Variants in CASP8 observed in about 807,000 individuals in gnomAD.
CASP8 encodes the protein caspase 8.
In CASP8, 24 loss-of-function variants were observed where a neutral mutation model predicts 46.3. That is an observed-to-expected ratio of 0.52 (90% CI 0.38 to 0.73). The LOEUF (loss-of-function observed/expected upper bound fraction) is 0.73, where lower values mean the gene tolerates loss of function less well. Among genes scored for constraint, CASP8 ranks in the 30% least tolerant of loss-of-function variants. The probability of loss-of-function intolerance (pLI) is 0.00; values close to 1 mark genes in which losing one functional copy is unlikely to be tolerated. For missense variants in CASP8, 460 were observed against 559.0 expected (o/e 0.82, Z 1.79); for synonymous variants, 188 against 200.4 (o/e 0.94, Z 0.52).
rs1172459664 is a variant in CASP8, at chr2:201,244,688, G to A, written c.-27+10576G>A. On this transcript the variant is annotated intron_variant, in intron 2 of 6. Transcript: ENST00000264274. Reference sequence around the variant, plus strand: ...CTCAAGTTGATAGTGATTATTTTTTGCAGGCAAAAAAATCCATGCTCAGCA... The same window carrying A: ...CTCAAGTTGATAGTGATTATTTTTTACAGGCAAAAAAATCCATGCTCAGCA... Among the ~76,000 whole-genome samples the A allele has an allele frequency of 2.0e-5, 3 of 152,074 alleles. No individual in the cohort carries two copies. The East Asian group carries it at 5.8e-4, about 29-fold the overall frequency.
chr2:201,271,398 C>T, intron 2 of CASP8, 118 bp from the exon 3 acceptor site: 1 of 739,754 alleles, frequency 1.4e-6, no homozygotes, highest in Non-Finnish European at 2.5e-6. Flanking sequence ...TAAACCATGC[C>T]ATTAACTGGC....
chr2:201,264,289 G>A (rs1352227062), intron 1 of CASP8, among the ~76,000 whole-genome samples: 2 of 152,178 alleles, frequency 1.3e-5, no homozygotes, highest in Non-Finnish European at 2.9e-5. Flanking sequence ...TTAAGTGAAT[G>A]TAGGAAAAAC....
At chr2:201,285,612 C>G (rs1435542373) in intron 8 of CASP8, among the ~76,000 whole-genome samples, 1 of 152,138 alleles carries the variant, frequency 6.6e-6, no homozygotes, top group Non-Finnish European at 1.5e-5. Context: ...TTCAGCACCT[C>G]AAAGGACAAT....
At chr2:201,260,688 C>G (rs1327496856) in intron 1 of CASP8, 75 bp downstream of exon 1, 1 of 403,728 alleles carries the variant, frequency 2.5e-6, no homozygotes, top group Non-Finnish European at 3.4e-6. Flanking sequence ...GTTTTCTAGG[C>G]TGCTGAGAGT....
chr2:201,242,074 A>C (rs1946323216), intron 2 of CASP8: 1 of 152,206 alleles, frequency 6.6e-6, no homozygotes, highest in Non-Finnish European at 1.5e-5. Flanking sequence ...ATATATAAGA[A>C]AATTTTCACT....
chr2:201,253,847 C>G (rs891180058), intron 2 of CASP8, among the ~76,000 whole-genome samples: 1 of 151,958 alleles, frequency 6.6e-6, no homozygotes, highest in African/African-American at 2.4e-5. Flanking sequence ...TTTGGGAAGC[C>G]GAGGTGGGTC....
intron 1 of CASP8, among the ~76,000 whole-genome samples, chr2:201,265,358 G>C (rs940669806): frequency 7.0e-6 from 1 of 143,598 alleles, no homozygotes; most frequent in Admixed American, 7.0e-5. Flanking sequence ...TTGGGTGACA[G>C]AGCAAGACTG....
rs1156535530 is a variant in CASP8 at position 201,281,899 on chromosome 2, A to G, written c.803-2917A>G. On this transcript the variant is annotated intron_variant, in intron 7 of 8. Transcript: ENST00000673742. ...GCCTGCAGAATCCAGCTACGAATAT[A>G]GAGGGTTTTGCTCTTGAATTTCTGG... 2.1e-6 allele frequency: 3 copies of G among 1,455,946 alleles called. No individual in the cohort carries two copies. In the African/African-American group the frequency reaches 4.7e-5, roughly 23 times the overall value. The allele number at this position is 1,455,946 out of a possible 1,614,324, so 90.2% of individuals were successfully genotyped here.
At chr2:201,240,508 T>A (rs545721469) in intron 2 of CASP8, 4 of 152,264 alleles carry the variant, frequency 2.6e-5, no homozygotes, top group Non-Finnish European at 1.5e-5. Context: ...GCACTCAATA[T>A]CAGAGCACCT....
At chr2:201,257,510 G>A (rs1457822951), upstream of CASP8, among the ~76,000 whole-genome samples, 3 of 151,630 alleles carry the variant, frequency 2.0e-5, no homozygotes, top group African/African-American at 4.9e-5. Context: ...AGAGAACAGG[G>A]GAGGGTCTAG....
chr2:201,241,069 C>T (rs967472425), intron 2 of CASP8: 4 of 152,102 alleles, frequency 2.6e-5, no homozygotes, highest in African/African-American at 9.7e-5. Flanking sequence ...CAATACACAT[C>T]TGCAGTGAAA....
chr2:201,253,061 T>A (rs1378375786), intron 2 of CASP8, among the ~76,000 whole-genome samples: 1 of 152,044 alleles, frequency 6.6e-6, no homozygotes, highest in East Asian at 1.9e-4. Context: ...CATAGCTCAC[T>A]GCAGCCTTGA....
At chr2:201,269,645 G>T in intron 2 of CASP8, 1 of 1,439,652 alleles carries the variant, frequency 6.9e-7, no homozygotes, top group East Asian at 2.3e-5. Context: ...TTGGCTTAGA[G>T]ATAAAAGGGT....
chr2:201,284,877 A>G lies in CASP8; in HGVS notation c.864A>G (p.Thr288=), dbSNP rs1050673165. 2 of 1,614,120 alleles carry G rather than the reference A, an allele frequency of 1.2e-6. No homozygotes were observed. Among genetic ancestry groups the G allele is most frequent in the East Asian group, 2.2e-5 (1 of 44,876 alleles). ...HFEIKPHDDC[T]VEQIYEILKI... ...AGATCAAGCCCCACGATGACTGCAC[A>G]GTAGAGCAAATCTATGAGATTTTGA... Residue 288 remains threonine, a synonymous_variant, in exon 8 of 9, where the codon ACA becomes ACG. Coordinates refer to ENST00000673742, the MANE Select transcript of CASP8 (RefSeq NM_001372051.1).
intron 2 of CASP8, among the ~76,000 whole-genome samples, chr2:201,250,608 T>G (rs1946736342): frequency 6.6e-6 from 1 of 152,170 alleles, no homozygotes; most frequent in East Asian, 1.9e-4. Flanking sequence ...GTGGGGATGG[T>G]GCTAAACTAT....
Position 201,266,789 on chromosome 2 carries a change from C to T in CASP8, c.303C>T (p.Tyr101=). Residue 101 remains tyrosine (Y), a splice_region_variant and synonymous_variant, in exon 2 of 9, where the codon TAC becomes TAT. Coordinates refer to ENST00000673742, the MANE Select transcript of CASP8 (RefSeq NM_001372051.1). This position sits in a 1 kb window ranked among gnomAD's most constrained non-coding sequence, Gnocchi z 5.7. ...QTPGRAQISA[Y]RVMLYQISEE... ...CAGGCAGGGCTCAAATTTCTGCCTA[C>T]AGGTGGGTGGAAACTCCCATTGTGG... 1 of 1,610,808 alleles carries T rather than the reference C, an allele frequency of 6.2e-7. No homozygotes were observed. Among genetic ancestry groups the T allele is most frequent in the Non-Finnish European group, 8.5e-7 (1 of 1,177,722 alleles).
intron 2 of CASP8, among the ~76,000 whole-genome samples, chr2:201,238,588 T>C (rs1435357282): frequency 1.3e-5 from 2 of 151,856 alleles, no homozygotes; most frequent in Non-Finnish European, 2.9e-5. Context: ...ACAATAGGCA[T>C]GTGCCGCTAT....
intron 1 of CASP8, chr2:201,262,241 C>A (rs1225923454): frequency 6.6e-6 from 1 of 151,940 alleles, no homozygotes; most frequent in East Asian, 1.9e-4. Context: ...TGATTTTTCA[C>A]AACAGAAAAA....
At chr2:201,263,144 G>A (rs1359440672) in intron 1 of CASP8, among the ~76,000 whole-genome samples, 2 of 152,134 alleles carry the variant, frequency 1.3e-5, no homozygotes, top group East Asian at 3.8e-4. Context: ...GCCTTGGATT[G>A]TATTGATTTT....
Sources: allele counts gnomAD v4.1 joint callset (sites outside exome capture counted in the v4.1 genomes callset), GRCh38; gene constraint gnomAD v4.1.1; non-coding constraint Gnocchi (gnomAD v3.1); transcripts MANE v1.5; gene names NCBI Gene and HGNC (gene_info 2026-07-23, HGNC 2026-07-21).